Variants in KLHL7 observed in about 807,000 individuals in gnomAD.
The protein encoded by KLHL7 is kelch-like protein 7.
A neutral mutation model predicts 67.4 loss-of-function variants in KLHL7; 44 were observed. The observed-to-expected ratio is 0.65, with a 90% CI of 0.51 to 0.84. The LOEUF (loss-of-function observed/expected upper bound fraction) is 0.84, where lower values mean the gene tolerates loss of function less well. Among genes scored for constraint, KLHL7 ranks in the 40% least tolerant of loss-of-function variants. KLHL7 has a pLI of 0.00. For missense variants in KLHL7, 362 were observed against 718.1 expected (o/e 0.50, Z 5.67); for synonymous variants, 252 against 243.3 (o/e 1.04, Z -0.33).
intron 7 of KLHL7, among the ~76,000 whole-genome samples, chr7:23,157,067 G>A (rs1784729131): frequency 6.6e-6 from 1 of 152,198 alleles, no homozygotes; most frequent in Non-Finnish European, 1.5e-5. Context: ...GTCCCACCCT[G>A]TGATCATGGC....
intron 4 of KLHL7, among the ~76,000 whole-genome samples, chr7:23,132,309 A>T (rs1288001123): frequency 6.6e-6 from 1 of 152,184 alleles, no homozygotes; most frequent in Non-Finnish European, 1.5e-5. Flanking sequence ...CATCCTTGCC[A>T]GCATTTGTTA....
At chr7:23,162,271 ATC>A (rs1416473694) in intron 7 of KLHL7, among the ~76,000 whole-genome samples, 1 of 152,226 alleles carries the variant, frequency 6.6e-6, no homozygotes, top group Non-Finnish European at 1.5e-5. Flanking sequence ...GTTACTTAAT[ATC>A]TCTTAGTTTT....
intron 6 of KLHL7, among the ~76,000 whole-genome samples, chr7:23,150,512 C>T (rs2128466520): frequency 6.6e-6 from 1 of 152,186 alleles, no homozygotes; most frequent in Middle Eastern, 3.4e-3. Flanking sequence ...GAGATCATTC[C>T]ATGCGTACAT....
chr7:23,123,692 G>A, intron 1 of KLHL7, 85 bp from the exon 2 acceptor site: 1 of 831,136 alleles, frequency 1.2e-6, no homozygotes, highest in South Asian at 1.5e-5. Context: ...TAGAGATAAA[G>A]CATTTGGCAA....
chr7:23,154,996 C>T (rs1784656417), intron 7 of KLHL7, among the ~76,000 whole-genome samples: 1 of 152,158 alleles, frequency 6.6e-6, no homozygotes, highest in Admixed American at 6.5e-5. Flanking sequence ...AGCAAATATG[C>T]CACCAGATAG....
chr7:23,125,908 A>G, intron 4 of KLHL7: 1 of 1,488,482 alleles, frequency 6.7e-7, no homozygotes, highest in African/African-American at 1.4e-5. Flanking sequence ...CCCCCAGTGA[A>G]TGCCTGAAAC....
intron 1 of KLHL7, among the ~76,000 whole-genome samples, chr7:23,117,081 CTTTTTTTT>C (rs34692665): frequency 1.3e-4 from 9 of 68,226 alleles, no homozygotes; most frequent in Admixed American, 2.0e-4. Flanking sequence ...AGAGCCAGGC[CTTTTTTTT>C]TTTTTTTTTT....
At chr7:23,162,573 C>T (rs1784881448) in intron 7 of KLHL7, among the ~76,000 whole-genome samples, 1 of 152,196 alleles carries the variant, frequency 6.6e-6, no homozygotes, top group Non-Finnish European at 1.5e-5. Context: ...CTCCTCCATA[C>T]AGAGCCTGGC....
intron 7 of KLHL7, among the ~76,000 whole-genome samples, chr7:23,161,198 A>G (rs907894249): frequency 1.3e-5 from 2 of 152,230 alleles, no homozygotes; most frequent in Non-Finnish European, 2.9e-5. Context: ...GTCCAAAGAC[A>G]GTCATCAGTA....
At chr7:23,164,366 A>C (rs1302253069) in intron 7 of KLHL7, among the ~76,000 whole-genome samples, 1 of 152,214 alleles carries the variant, frequency 6.6e-6, no homozygotes, top group African/African-American at 2.4e-5. Flanking sequence ...GTAGATATGA[A>C]GAACATTTAA....
chr7:23,172,938 A>AT lies in KLHL7; in HGVS notation c.1380-4dup, dbSNP rs1484449126. The AT allele has an allele frequency of 1.2e-6, 2 of 1,609,844 alleles. No homozygotes were observed. The highest frequency in any genetic ancestry group is 2.2e-5 in the East Asian group (1 of 44,784). ...GTAAACAAGCACACTAAAAACTTTA[A>AT]TTTTTTCAGATGGACTGAGCTGTGT... On this transcript the variant is annotated splice_polypyrimidine_tract_variant and intron_variant, in intron 9 of 10. Coordinates refer to ENST00000339077, the MANE Select transcript of KLHL7 (RefSeq NM_001031710.3).
In KLHL7 at chr7:23,173,014, G is replaced by A. The variant is rs749408475; in HGVS notation, c.1446G>A (p.Lys482=). The change falls in exon 10 of 11, where the codon AAG becomes AAA. Residue 482 remains lysine (K), a synonymous_variant. Transcript: ENST00000339077. ...KNHGLVFVKD[K]IFAVGGQNGL... is the part of the protein sequence containing the mutation. Reference sequence around the variant, plus strand: ...ATGGGCTGGTATTTGTAAAAGACAAGATATTTGCTGTGGGTGGTCAGAATG... The same window carrying A: ...ATGGGCTGGTATTTGTAAAAGACAAAATATTTGCTGTGGGTGGTCAGAATG... 3 of 1,613,720 alleles carry A rather than the reference G, an allele frequency of 1.9e-6. No individual in the cohort carries two copies. In the South Asian group the frequency reaches 3.3e-5, roughly 18 times the overall value.
chr7:23,152,288 GTAA>G (rs1784561874), intron 7 of KLHL7, 79 bp downstream of exon 7: 1 of 1,252,274 alleles, frequency 8.0e-7, no homozygotes, highest in African/African-American at 1.5e-5. Flanking sequence ...ACTAGAAGTA[GTAA>G]TAACTCATAC....
intron 7 of KLHL7, among the ~76,000 whole-genome samples, chr7:23,161,975 G>T (rs540843707): frequency 6.6e-6 from 1 of 152,332 alleles, no homozygotes; most frequent in Admixed American, 6.5e-5. Context: ...AAAAGATACG[G>T]AGATTGTGCA....
intron 1 of KLHL7, among the ~76,000 whole-genome samples, chr7:23,112,264 G>C (rs1782906378): frequency 6.6e-6 from 1 of 152,186 alleles, no homozygotes. Flanking sequence ...ACTGAGAAAG[G>C]AGGTATTGGA....
rs1785266752 is a variant in KLHL7 at position 23,175,092 on chromosome 7, A to G, written c.*794A>G. On this transcript the variant is annotated 3_prime_UTR_variant, in exon 11 of 11. Coordinates refer to ENST00000339077, the MANE Select transcript of KLHL7 (RefSeq NM_001031710.3). The stretch of plus-strand genomic sequence containing the variant: ...ACTAGCAAAAAGTAAAGCTATTTAT[A>G]GCAAATTTCTAGATCATTAGAAAAG... The G allele has an allele frequency of 2.2e-6, 1 of 454,008 alleles. No individual in the cohort carries two copies. Among genetic ancestry groups the G allele is most frequent in the African/African-American group, 2.0e-5 (1 of 50,034 alleles). 28.1% of individuals were successfully genotyped at this position (454,008 alleles called of 1,614,324 possible).
chr7:23,172,958 C>T lies in KLHL7; in HGVS notation c.1390C>T (p.Leu464=), dbSNP rs1725170612. The change falls in exon 10 of 11, where the codon CTG becomes TTG. Residue 464 remains leucine (L), a synonymous_variant. Transcript: ENST00000339077. ...CTTTAATTTTTTCAGATGGACTGAGCTGTGTCCAATGATTGAAGCCAGGAA... is the reference window on the plus strand; with the variant it reads ...CTTTAATTTTTTCAGATGGACTGAGTTGTGTCCAATGATTGAAGCCAGGAA... The part of the protein sequence containing the change: ...YDPATETWTE[L]CPMIEARKNH... 1 of 1,612,820 alleles carries T rather than the reference C, an allele frequency of 6.2e-7. No homozygotes were observed. Among genetic ancestry groups the T allele is most frequent in the African/African-American group, 1.3e-5 (1 of 74,878 alleles).
At chr7:23,156,542 G>A (rs566831383) in intron 7 of KLHL7, among the ~76,000 whole-genome samples, 3 of 152,324 alleles carry the variant, frequency 2.0e-5, no homozygotes, top group East Asian at 3.9e-4. Context: ...CCTCCTCCCA[G>A]TGAAATGGTG....
chr7:23,111,606 A>AG (rs2128456527), intron 1 of KLHL7, among the ~76,000 whole-genome samples: 1 of 152,266 alleles, frequency 6.6e-6, no homozygotes, highest in Non-Finnish European at 1.5e-5. Flanking sequence ...GGATCACCTG[A>AG]GGTCAGGAGT....
Sources: gnomAD v4.1 joint callset for allele counts (sites outside exome capture counted in the v4.1 genomes callset) on GRCh38, gnomAD v4.1.1 for gene constraint, MANE v1.5 for transcripts, NCBI Gene and HGNC (gene_info 2026-07-23, HGNC 2026-07-21) for gene names.